GALNT13: variants seen among roughly 807,000 people sequenced by gnomAD.
GALNT13 encodes UDP-GalNAc:polypeptide N-acetylgalactosaminyltransferase 13.
In GALNT13, 28 loss-of-function variants were observed where a neutral mutation model predicts 64.2. That is an observed-to-expected ratio of 0.44 (90% CI 0.32 to 0.60). The LOEUF (loss-of-function observed/expected upper bound fraction) is 0.60. Ranked by LOEUF, GALNT13 falls within the 20% of genes least tolerant of loss-of-function variation. The pLI is 0.05. For synonymous variants in GALNT13, 214 were observed against 224.6 expected (o/e 0.95, Z 0.42); for missense variants, 577 against 669.8 (o/e 0.86, Z 1.53).
At chr2:153,381,028 C>T in the GALNT13 span, among the ~76,000 whole-genome samples, 16 of 151,998 alleles carry the variant, frequency 1.1e-4, no homozygotes, top group East Asian at 1.9e-4. Flanking sequence ...AGCCTCATCA[C>T]GGGCTCAAGT....
At chr2:154,229,935 T>G (rs144097677) in intron 4 of GALNT13, among the ~76,000 whole-genome samples, 201 of 152,220 alleles carry the variant, frequency 1.3e-3, no homozygotes, top group African/African-American at 4.5e-3. Flanking sequence ...TGTTTTAGAT[T>G]TGCGTTTTTG....
At chr2:154,455,324 CAGAGG>C (rs1278792336), downstream of GALNT13, among the ~76,000 whole-genome samples, 1 of 152,140 alleles carries the variant, frequency 6.6e-6, no homozygotes, top group African/African-American at 2.4e-5. Context: ...AATCTAGTCT[CAGAGG>C]AGGCAAAACA....
At chr2:153,181,919 G>A in the GALNT13 span, among the ~76,000 whole-genome samples, 18,694 of 147,336 alleles carry the variant, frequency 0.13, 1,450 homozygotes, top group Non-Finnish European at 0.17. Context: ...ATTATATAAA[G>A]CAATCAAAAC....
chr2:154,434,426 A>AT (rs748444076), intron 11 of GALNT13, among the ~76,000 whole-genome samples: 1 of 152,018 alleles, frequency 6.6e-6, no homozygotes. Context: ...CACCCTGCTA[A>AT]TTTTTTGTAT....
At chr2:153,090,484 G>A in the GALNT13 span, among the ~76,000 whole-genome samples, 13 of 151,792 alleles carry the variant, frequency 8.6e-5, no homozygotes, top group African/African-American at 3.1e-4. Flanking sequence ...TAGCCAGGAT[G>A]TTGCAGGCAG....
intron 11 of GALNT13, among the ~76,000 whole-genome samples, chr2:154,421,076 T>G (rs1386395626): frequency 6.6e-6 from 1 of 152,090 alleles, no homozygotes; most frequent in Non-Finnish European, 1.5e-5. Context: ...CAAGATGACA[T>G]AAAACTATAC....
At chr2:153,203,809 T>G in the GALNT13 span, among the ~76,000 whole-genome samples, 1 of 152,128 alleles carries the variant, frequency 6.6e-6, no homozygotes, top group African/African-American at 2.4e-5. Flanking sequence ...CCATTTCCAT[T>G]TCAACTATTC....
the GALNT13 span, among the ~76,000 whole-genome samples, chr2:153,348,047 T>G: frequency 1.3e-5 from 2 of 152,064 alleles, no homozygotes; most frequent in Non-Finnish European, 2.9e-5. Flanking sequence ...CACCCTAGAG[T>G]GTAATGGTCA....
At chr2:153,650,602 C>G in the GALNT13 span, among the ~76,000 whole-genome samples, 2 of 152,132 alleles carry the variant, frequency 1.3e-5, no homozygotes, top group African/African-American at 4.8e-5. Context: ...GTGGCTGGTA[C>G]AGGTTGTTCC....
chr2:153,283,117 A>G, the GALNT13 span, among the ~76,000 whole-genome samples: 1 of 152,154 alleles, frequency 6.6e-6, no homozygotes, highest in Admixed American at 6.5e-5. Flanking sequence ...CAGTGGTCTG[A>G]GCTCCATGCT....
the GALNT13 span, among the ~76,000 whole-genome samples, chr2:153,439,776 C>T: frequency 5.5e-4 from 83 of 152,212 alleles, no homozygotes; most frequent in South Asian, 0.01. Context: ...CTGGGTGAGG[C>T]GATGCCTTTC....
At chr2:153,225,438 G>A in the GALNT13 span, among the ~76,000 whole-genome samples, 1 of 152,158 alleles carries the variant, frequency 6.6e-6, no homozygotes, top group Non-Finnish European at 1.5e-5. Flanking sequence ...ACAAGGCAAG[G>A]TTGTCCTCCT....
At chr2:153,726,037 T>A in the GALNT13 span, among the ~76,000 whole-genome samples, 1 of 152,160 alleles carries the variant, frequency 6.6e-6, no homozygotes, top group Non-Finnish European at 1.5e-5. Context: ...ATTCTGTTGA[T>A]GAGTATTTTA....
chr2:153,816,194 A>G, the GALNT13 span, among the ~76,000 whole-genome samples: 1 of 152,200 alleles, frequency 6.6e-6, no homozygotes, highest in African/African-American at 2.4e-5. Context: ...TGGGGTAGGA[A>G]CTACTTTAAA....
At chr2:153,792,970 C>CTTTTTTTTTTTTTT in the GALNT13 span, among the ~76,000 whole-genome samples, 5 of 132,252 alleles carry the variant, frequency 3.8e-5, no homozygotes, top group South Asian at 2.4e-4. Context: ...TTCTTTCTTT[C>CTTTTTTTTTTTTTT]TTTTTTTTTT....
chr2:153,548,623 A>T, the GALNT13 span, among the ~76,000 whole-genome samples: 1 of 152,124 alleles, frequency 6.6e-6, no homozygotes, highest in Non-Finnish European at 1.5e-5. Context: ...TTTTCATCTG[A>T]CCTATGCTAC....
At chr2:153,157,475 A>AT in the GALNT13 span, among the ~76,000 whole-genome samples, 53 of 152,230 alleles carry the variant, frequency 3.5e-4, no homozygotes, top group East Asian at 8.7e-3. Flanking sequence ...GTTTTACAAC[A>AT]TTTTTTGTCT....
At chr2:153,274,258 G>A in the GALNT13 span, among the ~76,000 whole-genome samples, 1 of 152,166 alleles carries the variant, frequency 6.6e-6, no homozygotes, top group Non-Finnish European at 1.5e-5. Flanking sequence ...CGTTATTGGA[G>A]ACTTGGCCTG....
intron 3 of GALNT13, among the ~76,000 whole-genome samples, chr2:154,127,221 C>T (rs1199138178): frequency 5.3e-5 from 8 of 152,010 alleles, no homozygotes; most frequent in Non-Finnish European, 8.8e-5. Flanking sequence ...TGCAATGGTA[C>T]CTAATGGGTA....
Sources: allele counts gnomAD v4.1 joint callset (sites outside exome capture counted in the v4.1 genomes callset), GRCh38; gene constraint gnomAD v4.1.1; transcripts MANE v1.5; gene names NCBI Gene and HGNC (gene_info 2026-07-23, HGNC 2026-07-21).